The following OLFM3 variants were observed in gnomAD, a reference collection of about 807,000 sequenced individuals.
OLFM3 encodes the protein noelin-3.
OLFM3 carries 20 observed loss-of-function variants against 48.6 expected under a neutral mutation model. That is an observed-to-expected ratio of 0.41 (90% CI 0.29 to 0.60). The LOEUF (loss-of-function observed/expected upper bound fraction) is 0.60. Ranked by LOEUF, OLFM3 falls within the 20% of genes least tolerant of loss-of-function variation. OLFM3 has a pLI of 0.28. For missense variants in OLFM3, 437 were observed against 544.3 expected, an observed-to-expected ratio of 0.80 and a Z score of 1.96; for synonymous variants, 222 against 198.1, an observed-to-expected ratio of 1.12 and a Z score of -1.01.
chr1:101,927,425 G>GCCTTGTCTCATAAAGTCAGTCAATCTCT (rs1553180476), intron 1 of OLFM3, among the ~76,000 whole-genome samples: 8 of 151,876 alleles, frequency 5.3e-5, no homozygotes, highest in Non-Finnish European at 1.0e-4. Flanking sequence ...TCTTTAAGAA[G>GCCTTGTCTCATAAAGTCAGTCAATCTCT]CCTTGTCTCA....
At chr1:101,955,791 A>C (rs1174458650) in intron 1 of OLFM3, among the ~76,000 whole-genome samples, 1 of 151,940 alleles carries the variant, frequency 6.6e-6, no homozygotes, top group Non-Finnish European at 1.5e-5. Context: ...TCAGTCTTGA[A>C]TGCTATACAT....
At chr1:101,862,149 G>T (rs1656685459) in intron 1 of OLFM3, among the ~76,000 whole-genome samples, 1 of 152,142 alleles carries the variant, frequency 6.6e-6, no homozygotes, top group Non-Finnish European at 1.5e-5. Flanking sequence ...GTTGAATATT[G>T]TATCTGAAAA....
At chr1:101,862,735 C>T (rs552870782) in intron 1 of OLFM3, among the ~76,000 whole-genome samples, 1 of 152,288 alleles carries the variant, frequency 6.6e-6, no homozygotes, top group Admixed American at 6.5e-5. Flanking sequence ...TGTATTTGCA[C>T]TTTTCAAAAG....
At chr1:101,831,530 T>C (rs1655149432) in intron 2 of OLFM3, among the ~76,000 whole-genome samples, 1 of 151,916 alleles carries the variant, frequency 6.6e-6, no homozygotes. Context: ...CATGCAGAAA[T>C]GAGAGGAAAA....
chr1:101,896,868 A>T (rs953296777), intron 1 of OLFM3, among the ~76,000 whole-genome samples: 1 of 151,598 alleles, frequency 6.6e-6, no homozygotes, highest in African/African-American at 2.4e-5. Context: ...TTTGACTCTC[A>T]CTCAGAACAA....
chr1:101,831,536 G>GA (rs1051630905), intron 2 of OLFM3, among the ~76,000 whole-genome samples: 6 of 151,786 alleles, frequency 4.0e-5, no homozygotes, highest in Admixed American at 2.6e-4. Context: ...GAAATGAGAG[G>GA]AAAAAATGAC....
rs139488368 is a variant in OLFM3 at position 101,904,041 on chromosome 1, T to A, written c.70-67016A>T. 6.6e-3 allele frequency among the ~76,000 whole-genome samples: 1,005 copies of A among 152,210 alleles called. 3 individuals are homozygous for A. Among genetic ancestry groups the A allele is most frequent in the South Asian group, 0.013 (62 of 4,822 alleles). On this transcript the variant is annotated intron_variant, in intron 1 of 5. Coordinates refer to ENST00000370103, the MANE Select transcript of OLFM3 (RefSeq NM_058170.4). Reference sequence around the variant, plus strand: ...TCCCTTTATTTCAACAAAACCAAACTTTTTCAAACCTTGCCTTTTCCATAA... The same window carrying A: ...TCCCTTTATTTCAACAAAACCAAACATTTTCAAACCTTGCCTTTTCCATAA...
At chr1:101,910,576 T>C (rs993578677) in intron 1 of OLFM3, among the ~76,000 whole-genome samples, 1 of 152,044 alleles carries the variant, frequency 6.6e-6, no homozygotes, top group African/African-American at 2.4e-5. Context: ...CTGAAAAATA[T>C]ATGCGGTATA....
intron 1 of OLFM3, among the ~76,000 whole-genome samples, chr1:101,899,270 T>C (rs573391587): frequency 1.3e-5 from 2 of 152,276 alleles, no homozygotes; most frequent in Non-Finnish European, 2.9e-5. Flanking sequence ...TCACTGGCTA[T>C]TGGCCAGAGG....
intron 1 of OLFM3, among the ~76,000 whole-genome samples, chr1:101,892,533 A>T (rs578017804): frequency 2.0e-5 from 3 of 152,160 alleles, no homozygotes; most frequent in Admixed American, 2.0e-4. Flanking sequence ...AAATTAAACA[A>T]TTTGATTTAC....
At chr1:101,881,736 A>T (rs1466253467) in intron 1 of OLFM3, among the ~76,000 whole-genome samples, 2 of 151,780 alleles carry the variant, frequency 1.3e-5, no homozygotes, top group Non-Finnish European at 2.9e-5. Flanking sequence ...TTTGAGGCGA[A>T]TTACAAAAGT....
chr1:101,876,260 T>A (rs547867599), intron 1 of OLFM3, among the ~76,000 whole-genome samples: 2 of 152,062 alleles, frequency 1.3e-5, no homozygotes, highest in East Asian at 1.9e-4. Flanking sequence ...AGCCTTAGAG[T>A]GCAAACCATA....
rs142281841 is a variant in OLFM3, at chr1:101,932,619, A to C, written c.69+64129T>G. On this transcript the variant is annotated intron_variant, in intron 1 of 5. Transcript: ENST00000370103. Reference sequence around the variant, plus strand: ...TCCCTAACGGCATGACAGAAGATAAAAGCAAAGCAAAGCAAAACAAAACAA... The same window carrying C: ...TCCCTAACGGCATGACAGAAGATAACAGCAAAGCAAAGCAAAACAAAACAA... 3.7e-3 allele frequency among the ~76,000 whole-genome samples: 567 copies of C among 152,284 alleles called. 1 individual carries two copies. The highest frequency in any genetic ancestry group is 6.4e-3 in the Non-Finnish European group (437 of 68,016).
intron 1 of OLFM3, among the ~76,000 whole-genome samples, chr1:101,973,402 G>A (rs1049786399): frequency 6.6e-6 from 1 of 152,136 alleles, no homozygotes; most frequent in Non-Finnish European, 1.5e-5. Flanking sequence ...GGGCCTCAAG[G>A]GATTGGACGA....
Position 101,846,656 on chromosome 1 carries a change from C to T in OLFM3, c.70-9631G>A, listed in dbSNP as rs1011193478. Among the ~76,000 whole-genome samples the T allele has an allele frequency of 2.6e-5, 4 of 152,174 alleles. No individual in the cohort carries two copies. The East Asian group carries it at 7.7e-4, about 29-fold the overall frequency. On this transcript the variant is annotated intron_variant, in intron 1 of 5. Transcript: ENST00000370103. The stretch of plus-strand genomic sequence containing the variant: ...TCTCTTTCATAGCTCATTTCTCAAG[C>T]AGTCCATTTTTGGGGTATAACTATA...
At chr1:101,929,305 C>T (rs568580643) in intron 1 of OLFM3, among the ~76,000 whole-genome samples, 2 of 152,222 alleles carry the variant, frequency 1.3e-5, no homozygotes, top group South Asian at 2.1e-4. Context: ...AAAGTATAGG[C>T]CAAATGCAGA....
intron 1 of OLFM3, among the ~76,000 whole-genome samples, chr1:101,869,940 T>G (rs1159970566): frequency 6.6e-6 from 1 of 152,192 alleles, no homozygotes; most frequent in African/African-American, 2.4e-5. Flanking sequence ...CTTTTCTTTC[T>G]AAATTACCCA....
intron 4 of OLFM3, chr1:101,812,957 T>C (rs977548079): frequency 5.9e-6 from 6 of 1,015,644 alleles, no homozygotes; most frequent in Middle Eastern, 2.8e-4. Flanking sequence ...TATTTAAAGA[T>C]ATAATAATTA....
intron 1 of OLFM3, among the ~76,000 whole-genome samples, chr1:101,877,801 AT>A (rs902496719): frequency 2.3e-4 from 35 of 150,004 alleles, no homozygotes; most frequent in Admixed American, 8.7e-4. Flanking sequence ...TTAATGAAGC[AT>A]TTTTTTTTCA....
Sources: allele counts gnomAD v4.1 joint callset (sites outside exome capture counted in the v4.1 genomes callset), GRCh38; gene constraint gnomAD v4.1.1; transcripts MANE v1.5; gene names NCBI Gene and HGNC (gene_info 2026-07-23, HGNC 2026-07-21).